Variants in SLIT3 observed in about 807,000 individuals in gnomAD.
The protein encoded by SLIT3 is slit guidance ligand 3.
SLIT3 carries 68 observed loss-of-function variants against 184.0 expected under a neutral mutation model. That is an observed-to-expected ratio of 0.37 (90% CI 0.30 to 0.45). SLIT3 has a LOEUF of 0.45. Among genes scored for constraint, SLIT3 ranks in the 20% least tolerant of loss-of-function variants. The pLI, the probability that SLIT3 is intolerant of heterozygous loss-of-function variation, is 1.00. For synonymous variants in SLIT3, 831 were observed against 828.6 expected (o/e 1.00, Z -0.05); for missense variants, 1,707 against 2,026.0 (o/e 0.84, Z 3.02).
intron 4 of SLIT3, among the ~76,000 whole-genome samples, chr5:169,124,724 G>A (rs17667399): frequency 0.019 from 2,935 of 152,194 alleles, 44 homozygotes; most frequent in East Asian, 0.053. Flanking sequence ...TAATATCACC[G>A]AGAGATCATC....
chr5:168,734,017 G>T (rs138437371), intron 20 of SLIT3, among the ~76,000 whole-genome samples: 1 of 152,106 alleles, frequency 6.6e-6, no homozygotes, highest in African/African-American at 2.4e-5. Flanking sequence ...TAGAATAATG[G>T]ACACTGGAGA....
chr5:168,798,573 T>C (rs1756659842), intron 9 of SLIT3, among the ~76,000 whole-genome samples: 1 of 152,056 alleles, frequency 6.6e-6, no homozygotes, highest in African/African-American at 2.4e-5. Flanking sequence ...TCAGGCTGTT[T>C]TGGGCACTGG....
At chr5:168,959,036 C>T (rs1174855742) in intron 4 of SLIT3, among the ~76,000 whole-genome samples, 1 of 152,262 alleles carries the variant, frequency 6.6e-6, no homozygotes, top group African/African-American at 2.4e-5. Context: ...TGAATGTGGC[C>T]ATGCCACCCT....
At chr5:169,245,440 T>C (rs530960326) in intron 2 of SLIT3, among the ~76,000 whole-genome samples, 1 of 151,996 alleles carries the variant, frequency 6.6e-6, no homozygotes, top group Non-Finnish European at 1.5e-5. Context: ...GAATTTAGCA[T>C]ATAATGAAAT....
intron 8 of SLIT3, among the ~76,000 whole-genome samples, chr5:168,813,447 C>T (rs532154566): frequency 6.6e-6 from 1 of 152,164 alleles, no homozygotes; most frequent in East Asian, 1.9e-4. Flanking sequence ...GCCGTAGGGC[C>T]TTAACCTTCC....
intron 9 of SLIT3, among the ~76,000 whole-genome samples, chr5:168,803,244 A>G (rs1756832239): frequency 6.6e-6 from 1 of 152,236 alleles, no homozygotes; most frequent in African/African-American, 2.4e-5. Context: ...AATAAAAGAC[A>G]TTTTTAAAAA....
intron 2 of SLIT3, among the ~76,000 whole-genome samples, chr5:169,245,928 T>A (rs972012463): frequency 6.6e-6 from 1 of 152,174 alleles, no homozygotes; most frequent in African/African-American, 2.4e-5. Flanking sequence ...CTACTCCCAG[T>A]CCTAACACAG....
chr5:168,726,390 GAGGC>G, intron 20 of SLIT3, among the ~76,000 whole-genome samples: 1 of 62,362 alleles, frequency 1.6e-5, no homozygotes, highest in Non-Finnish European at 3.5e-5. Flanking sequence ...GGGAGGCAGG[GAGGC>G]AGAGGGAGGC....
At chr5:169,062,450 T>C (rs1178568936) in intron 4 of SLIT3, among the ~76,000 whole-genome samples, 1 of 152,186 alleles carries the variant, frequency 6.6e-6, no homozygotes. Context: ...CATCTTTGAG[T>C]TCCTGCCTTG....
intron 20 of SLIT3, among the ~76,000 whole-genome samples, chr5:168,730,064 G>A (rs1581013727): frequency 6.6e-6 from 1 of 151,642 alleles, no homozygotes; most frequent in East Asian, 1.9e-4. Flanking sequence ...AAGTGAGCAG[G>A]AGTAGCTACA....
chr5:169,287,855 G>A, intron 1 of SLIT3, among the ~76,000 whole-genome samples: 1 of 152,152 alleles, frequency 6.6e-6, no homozygotes, highest in East Asian at 1.9e-4. Context: ...CACAGCCACA[G>A]CATAGGTCTC....
chr5:168,915,021 C>G (rs1761388068), intron 4 of SLIT3, among the ~76,000 whole-genome samples: 1 of 152,068 alleles, frequency 6.6e-6, no homozygotes, highest in Admixed American at 6.6e-5. Flanking sequence ...TAATAATACT[C>G]TAAATGTGAA....
intron 20 of SLIT3, among the ~76,000 whole-genome samples, chr5:168,741,500 GAC>G (rs1763638730): frequency 1.0e-5 from 1 of 98,980 alleles, no homozygotes; most frequent in Admixed American, 1.1e-4. Context: ...AAAAAAAGAA[GAC>G]AAGACAGATT....
intron 4 of SLIT3, among the ~76,000 whole-genome samples, chr5:168,984,981 CAT>C (rs1476397174): frequency 6.6e-6 from 1 of 152,146 alleles, no homozygotes; most frequent in African/African-American, 2.4e-5. Context: ...AAATATCACA[CAT>C]AGGAGAGAAA....
intron 4 of SLIT3, among the ~76,000 whole-genome samples, chr5:169,088,897 G>A (rs1292206615): frequency 1.3e-5 from 2 of 151,672 alleles, no homozygotes; most frequent in African/African-American, 2.4e-5. Context: ...GCGCATGCCT[G>A]TAGTCCCATT....
At chr5:168,882,365 G>A (rs1211877631) in intron 5 of SLIT3, among the ~76,000 whole-genome samples, 1 of 152,160 alleles carries the variant, frequency 6.6e-6, no homozygotes, top group Non-Finnish European at 1.5e-5. Flanking sequence ...CAGGAGTCAC[G>A]AATAAGGGGT....
At chr5:168,999,644 T>C (rs1208266565) in intron 4 of SLIT3, among the ~76,000 whole-genome samples, 2 of 152,192 alleles carry the variant, frequency 1.3e-5, no homozygotes, top group Admixed American at 1.3e-4. Context: ...CTTTGGACAG[T>C]GTCCCTATAG....
intron 1 of SLIT3, among the ~76,000 whole-genome samples, chr5:169,295,971 T>C (rs1767490687): frequency 6.6e-6 from 1 of 152,194 alleles, no homozygotes; most frequent in Non-Finnish European, 1.5e-5. Flanking sequence ...ATGTGCACAG[T>C]AGGAGTTTTG....
chr5:169,099,034 T>C (rs1034313763), intron 4 of SLIT3, among the ~76,000 whole-genome samples: 1 of 151,950 alleles, frequency 6.6e-6, no homozygotes, highest in Non-Finnish European at 1.5e-5. Context: ...GGTGGCTACA[T>C]CTACCGCCTC....
Sources: gnomAD v4.1 joint callset for allele counts (sites outside exome capture counted in the v4.1 genomes callset) on GRCh38, gnomAD v4.1.1 for gene constraint, MANE v1.5 for transcripts, NCBI Gene and HGNC (gene_info 2026-07-23, HGNC 2026-07-21) for gene names.